IL17RD: variants seen among roughly 807,000 people sequenced by gnomAD.
The protein encoded by IL17RD is interleukin-17 receptor D.
In IL17RD, 52 loss-of-function variants were observed where a neutral mutation model predicts 80.5. The observed-to-expected ratio is 0.65, with a 90% CI of 0.52 to 0.81. IL17RD has a LOEUF of 0.81. Ranked by LOEUF, IL17RD falls within the 40% of genes least tolerant of loss-of-function variation. The pLI is 0.00. For missense variants in IL17RD, 1,024 were observed against 955.1 expected (o/e 1.07, Z -0.95); for synonymous variants, 416 against 391.8 (o/e 1.06, Z -0.73).
intron 8 of IL17RD, among the ~76,000 whole-genome samples, chr3:57,103,861 C>T (rs1250047901): frequency 5.3e-5 from 8 of 151,866 alleles, no homozygotes; most frequent in African/African-American, 4.9e-5. Context: ...CCCACCACCA[C>T]GCCCAGCTAA....
chr3:57,158,823 A>T (rs1358458229), intron 1 of IL17RD, among the ~76,000 whole-genome samples: 1 of 152,184 alleles, frequency 6.6e-6, no homozygotes, highest in Non-Finnish European at 1.5e-5. Context: ...TTATTAATTA[A>T]AAGCCTTCTT....
At chr3:57,122,130 G>A (rs140226499) in intron 1 of IL17RD, among the ~76,000 whole-genome samples, 18 of 152,292 alleles carry the variant, frequency 1.2e-4, no homozygotes, top group Middle Eastern at 3.4e-3. Flanking sequence ...AAAGAGCCTG[G>A]CATAAGTAAG....
chr3:57,165,337 G>T lies in IL17RD; in HGVS notation c.-51C>A, dbSNP rs1474659135. 12 of 1,289,678 alleles carry T rather than the reference G, an allele frequency of 9.3e-6. No individual in the cohort carries two copies. Among genetic ancestry groups the T allele is most frequent in the Non-Finnish European group, 1.2e-5 (12 of 1,013,832 alleles). 79.9% of individuals were successfully genotyped at this position (1,289,678 alleles called of 1,614,324 possible). A position where few individuals can be genotyped will look rare whatever the true frequency, so the allele number is the denominator to read the frequency against. ...GTTCTCTGCGCCCCGGCCGCCCGCC[G>T]CTGGCCAGCCCCGAGTGGGCGGTGG... On this transcript the variant is annotated 5_prime_UTR_variant, in exon 1 of 13. Transcript: ENST00000296318.
chr3:57,143,296 G>T (rs1707866186), intron 1 of IL17RD, among the ~76,000 whole-genome samples: 1 of 152,134 alleles, frequency 6.6e-6, no homozygotes, highest in South Asian at 2.1e-4. Flanking sequence ...GTTTGCACAG[G>T]CACAAAACTG....
intron 1 of IL17RD, among the ~76,000 whole-genome samples, chr3:57,147,363 C>T (rs1707954346): frequency 1.3e-5 from 2 of 152,158 alleles, no homozygotes; most frequent in South Asian, 4.1e-4. Context: ...CCCAAGGTCT[C>T]AATAAATGGT....
At chr3:57,111,961 C>CAA (rs771559642) in intron 3 of IL17RD, among the ~76,000 whole-genome samples, 2 of 91,692 alleles carry the variant, frequency 2.2e-5, no homozygotes, top group Non-Finnish European at 4.5e-5. Context: ...GACTCTGTCT[C>CAA]AAAAAAAAAA....
chr3:57,154,719 C>T (rs1020501023), intron 1 of IL17RD, among the ~76,000 whole-genome samples: 4 of 152,178 alleles, frequency 2.6e-5, no homozygotes, highest in African/African-American at 7.2e-5. Flanking sequence ...GCTCCAGAGG[C>T]CCTGAAGCAG....
rs192370396 is a variant in IL17RD at position 57,091,039 on chromosome 3, G to A, written c.*5354C>T. 6.5e-6 allele frequency: 1 copy of A among 152,708 alleles called. No homozygotes were observed. The allele number at this position is 152,708 out of a possible 1,614,324, so 9.5% of individuals were successfully genotyped here. On this transcript the variant is annotated 3_prime_UTR_variant, in exon 13 of 13. Transcript: ENST00000296318. Reference sequence around the variant, plus strand: ...CCAAAATTCCCCAGACATCTTCACTGGGAGATTCAAATGTCTTTGCAAATT... The same window carrying A: ...CCAAAATTCCCCAGACATCTTCACTAGGAGATTCAAATGTCTTTGCAAATT...
chr3:57,169,840 A>AG (rs2060361976), upstream of IL17RD, among the ~76,000 whole-genome samples: 1 of 82,448 alleles, frequency 1.2e-5, no homozygotes, highest in Admixed American at 1.3e-4. Flanking sequence ...TTAGTCCCTG[A>AG]GACCCCACAA....
chr3:57,154,044 G>A (rs995999373), intron 1 of IL17RD, among the ~76,000 whole-genome samples: 3 of 151,558 alleles, frequency 2.0e-5, no homozygotes, highest in South Asian at 2.1e-4. Context: ...CCAGGAGTTC[G>A]AGACTAGCCT....
upstream of IL17RD, among the ~76,000 whole-genome samples, chr3:57,168,111 C>T (rs984575241): frequency 1.2e-4 from 18 of 152,174 alleles, no homozygotes; most frequent in Non-Finnish European, 2.2e-4. Flanking sequence ...GGATTACAGA[C>T]GTGAGCCACC....
At position 57,091,791 on chromosome 3, in the gene IL17RD, CCTT is replaced by C. The variant is rs1181706552; in HGVS notation, c.*4599_*4601del. 1 of 152,182 alleles carries C rather than the reference CCTT, an allele frequency of 6.6e-6. No individual in the cohort carries two copies. Among genetic ancestry groups the C allele is most frequent in the African/African-American group, 2.4e-5 (1 of 41,428 alleles). The allele number at this position is 152,182 out of a possible 1,614,324, so 9.4% of individuals were successfully genotyped here. On this transcript the variant is annotated 3_prime_UTR_variant, in exon 13 of 13. Transcript: ENST00000296318. The stretch of plus-strand genomic sequence containing the variant: ...ATCAGCAGGGTAGGTTACAGAATCT[CCTT>C]CTTATAAAATAAAGAATACCATCTA...
At chr3:57,108,965 G>A (rs539186663) in intron 5 of IL17RD, among the ~76,000 whole-genome samples, 9 of 151,766 alleles carry the variant, frequency 5.9e-5, no homozygotes, top group African/African-American at 2.2e-4. Context: ...TGTCTTAGCG[G>A]TGGTCACAGC....
At chr3:57,136,666 T>G in intron 1 of IL17RD, among the ~76,000 whole-genome samples, 1 of 110,102 alleles carries the variant, frequency 9.1e-6, no homozygotes, top group East Asian at 2.9e-4. Context: ...AAAAAAAAAC[T>G]TAGCTGATCT....
upstream of IL17RD, chr3:57,169,091 A>T (rs1462193198): frequency 5.2e-6 from 2 of 385,540 alleles, no homozygotes; most frequent in Non-Finnish European, 1.0e-5. Flanking sequence ...CTGTCCTGGA[A>T]GCTGAGCTAA....
chr3:57,133,290 C>G (rs941407278), intron 1 of IL17RD, among the ~76,000 whole-genome samples: 1 of 152,182 alleles, frequency 6.6e-6, no homozygotes, highest in African/African-American at 2.4e-5. Flanking sequence ...AACTTTACAT[C>G]GTCCTACTAT....
intron 1 of IL17RD, among the ~76,000 whole-genome samples, chr3:57,152,196 G>C (rs1543944): frequency 0.24 from 36,086 of 151,900 alleles, 4,644 homozygotes; most frequent in East Asian, 0.39. Flanking sequence ...CCCCGCCCCC[G>C]ACCAAAGCAT....
At chr3:57,147,578 T>C (rs575714405) in intron 1 of IL17RD, among the ~76,000 whole-genome samples, 3 of 152,218 alleles carry the variant, frequency 2.0e-5, no homozygotes, top group African/African-American at 7.2e-5. Context: ...GATGGGCAGG[T>C]AACCCATCTG....
At chr3:57,132,208 C>T (rs1053221166) in intron 1 of IL17RD, among the ~76,000 whole-genome samples, 1 of 151,798 alleles carries the variant, frequency 6.6e-6, no homozygotes, top group African/African-American at 2.4e-5. Flanking sequence ...CGCAGCGGCT[C>T]ACATTTGTAA....
Sources: allele counts gnomAD v4.1 joint callset (sites outside exome capture counted in the v4.1 genomes callset), GRCh38; gene constraint gnomAD v4.1.1; transcripts MANE v1.5; gene names NCBI Gene and HGNC (gene_info 2026-07-23, HGNC 2026-07-21).